The following SLIT3 variants were observed in gnomAD, a reference collection of about 807,000 sequenced individuals.
The protein encoded by SLIT3 is slit homolog 3 protein.
Under a neutral mutation model 184.0 loss-of-function variants are expected in SLIT3, and 68 were observed. The ratio of observed to expected loss-of-function variants is 0.37; its 90% CI spans 0.30 to 0.45. The LOEUF (loss-of-function observed/expected upper bound fraction) is 0.45. Among genes scored for constraint, SLIT3 ranks in the 20% least tolerant of loss-of-function variants. The probability of loss-of-function intolerance (pLI) is 1.00; values close to 1 mark genes in which losing one functional copy is unlikely to be tolerated. For missense variants in SLIT3, 1,707 were observed against 2,026.0 expected (o/e 0.84, Z 3.02); for synonymous variants, 831 against 828.6 (o/e 1.00, Z -0.05).
Position 168,700,507 on chromosome 5 carries a change from C to G in SLIT3, c.2942+75G>C, listed in dbSNP as rs969812636. On this transcript the variant is annotated intron_variant, in intron 27 of 35. Transcript: ENST00000519560. ...AAACTTCTTTCCTTTATAAATTACC[C>G]AGTCTTGGGTATGTCTTTATTAGCA... The G allele has an allele frequency of 1.7e-5, 17 of 1,025,366 alleles. No individual in the cohort carries two copies. In the Admixed American group the frequency reaches 2.0e-4, roughly 12 times the overall value. 63.5% of individuals were successfully genotyped at this position (1,025,366 alleles called of 1,614,324 possible).
At chr5:168,761,663 C>T (rs569579521) in intron 15 of SLIT3, among the ~76,000 whole-genome samples, 5 of 152,056 alleles carry the variant, frequency 3.3e-5, no homozygotes, top group Non-Finnish European at 7.4e-5. Context: ...AGGTGTCAGC[C>T]CCATGTCTGT....
chr5:168,748,621 T>C (rs1165604655), intron 19 of SLIT3, among the ~76,000 whole-genome samples, 187 bp from the exon 20 acceptor site: 1 of 152,112 alleles, frequency 6.6e-6, no homozygotes, highest in Admixed American at 6.5e-5. Context: ...TTTTACCTCA[T>C]TTGACATAAG....
chr5:168,718,994 A>G (rs1301826301), intron 23 of SLIT3, among the ~76,000 whole-genome samples: 1 of 152,208 alleles, frequency 6.6e-6, no homozygotes, highest in Non-Finnish European at 1.5e-5. Context: ...TAAAAAGCCA[A>G]TCTTTCTTCC....
intron 2 of SLIT3, among the ~76,000 whole-genome samples, chr5:169,245,107 A>T (rs769614184): frequency 5.3e-5 from 8 of 152,150 alleles, no homozygotes; most frequent in Admixed American, 2.6e-4. Context: ...CCACACATAG[A>T]TTCAGCATCT....
At chr5:168,761,921 A>ATTTTT (rs10654069) in intron 15 of SLIT3, among the ~76,000 whole-genome samples, 30 of 110,470 alleles carry the variant, frequency 2.7e-4, no homozygotes, top group East Asian at 5.4e-4. Flanking sequence ...AAAAAAAAAA[A>ATTTTT]TTTTTTTTTT....
chr5:168,817,351 A>T lies in SLIT3; in HGVS notation c.742T>A (p.Leu248Met), dbSNP rs1757366266. ...ACATCCGCCACGTTGAAGCCCCTCAAATGCACAGGAGCCATGCAGAGTGTG... is the reference window on the plus strand; with the variant it reads ...ACATCCGCCACGTTGAAGCCCCTCATATGCACAGGAGCCATGCAGAGTGTG... ...QFTLCMAPVH[L>M]RGFNVADVQK... is the part of the protein sequence containing the mutation. Residue 248 changes from leucine (L) to methionine (M), a missense_variant, in exon 8 of 36, where the codon TTG becomes ATG. Physicochemically the swap from Leu to Met is conservative, Grantham distance 15. Coordinates refer to ENST00000519560, the MANE Select transcript of SLIT3 (RefSeq NM_003062.4). 6.2e-7 allele frequency: 1 copy of T among 1,614,142 alleles called. No individual in the cohort carries two copies. Among genetic ancestry groups the T allele is most frequent in the Non-Finnish European group, 8.5e-7 (1 of 1,180,032 alleles).
intron 15 of SLIT3, among the ~76,000 whole-genome samples, chr5:168,761,701 T>C (rs572412052): frequency 1.3e-5 from 2 of 152,140 alleles, no homozygotes; most frequent in East Asian, 3.9e-4. Flanking sequence ...GCCTTTGTCC[T>C]CCACGAGGCT....
intron 4 of SLIT3, among the ~76,000 whole-genome samples, chr5:168,906,774 T>C (rs1317959876): frequency 6.6e-6 from 1 of 152,220 alleles, no homozygotes; most frequent in African/African-American, 2.4e-5. Flanking sequence ...TGTTTGAAAG[T>C]TGAAATTCAG....
chr5:168,864,661 A>G (rs546564853), intron 5 of SLIT3, among the ~76,000 whole-genome samples: 5 of 152,334 alleles, frequency 3.3e-5, no homozygotes, highest in Non-Finnish European at 7.3e-5. Context: ...AATTCTTACC[A>G]AGAACTCAAG....
chr5:168,956,387 G>A (rs1254580059), intron 4 of SLIT3, among the ~76,000 whole-genome samples: 5 of 152,146 alleles, frequency 3.3e-5, no homozygotes, highest in Admixed American at 1.3e-4. Flanking sequence ...ATTTATGTAG[G>A]CAATAGTAAG....
chr5:168,780,556 T>C (rs544312183), intron 12 of SLIT3, among the ~76,000 whole-genome samples: 5 of 152,350 alleles, frequency 3.3e-5, no homozygotes, highest in African/African-American at 1.2e-4. Context: ...CTCTTTGTTA[T>C]TTAAAAAAGT....
chr5:168,746,367 TGTGTGAGTGTGGTG>T (rs1245076372), intron 20 of SLIT3, among the ~76,000 whole-genome samples: 1 of 125,722 alleles, frequency 8.0e-6, no homozygotes, highest in Non-Finnish European at 1.7e-5. Context: ...TGGTGTGTGG[TGTGTGAGTGTGGTG>T]GTGTGGGTGT....
At chr5:168,879,623 A>C (rs1458336257) in intron 5 of SLIT3, among the ~76,000 whole-genome samples, 1 of 152,186 alleles carries the variant, frequency 6.6e-6, no homozygotes, top group African/African-American at 2.4e-5. Flanking sequence ...CCCTCTTATT[A>C]AAACCAAGGA....
intron 4 of SLIT3, among the ~76,000 whole-genome samples, chr5:168,962,424 C>T (rs1049115977): frequency 4.6e-5 from 7 of 152,206 alleles, no homozygotes; most frequent in East Asian, 3.9e-4. Flanking sequence ...TTCTGTTTCC[C>T]GCCTTTCTCT....
intron 4 of SLIT3, among the ~76,000 whole-genome samples, chr5:168,958,895 C>T (rs1345922052): frequency 6.6e-6 from 1 of 152,256 alleles, no homozygotes; most frequent in African/African-American, 2.4e-5. Flanking sequence ...AATGAACCTC[C>T]ACCATGAGTG....
intron 6 of SLIT3, among the ~76,000 whole-genome samples, chr5:168,839,876 C>T (rs955272723): frequency 7.9e-5 from 12 of 152,136 alleles, no homozygotes; most frequent in African/African-American, 1.9e-4. Context: ...CCCCTGTTAC[C>T]GCCAACTTGC....
intron 23 of SLIT3, chr5:168,720,201 C>G (rs62377328): frequency 0.18 from 27,773 of 152,328 alleles, 3,072 homozygotes; most frequent in East Asian, 0.43. Context: ...CAGGTGTGAG[C>G]CACCATGCTG....
At chr5:168,782,236 T>C (rs1756001599) in intron 12 of SLIT3, among the ~76,000 whole-genome samples, 3 of 152,218 alleles carry the variant, frequency 2.0e-5, no homozygotes, top group Admixed American at 6.5e-5. Context: ...CCGAAGACAG[T>C]CTGGTTTGGT....
intron 12 of SLIT3, 152 bp from the exon 13 acceptor site, chr5:168,774,530 G>A: frequency 1.2e-6 from 1 of 819,444 alleles, no homozygotes; most frequent in Non-Finnish European, 1.9e-6. Flanking sequence ...AGAGAGACCT[G>A]CCTTCCTGTG....
Sources: gnomAD v4.1 joint callset for allele counts (sites outside exome capture counted in the v4.1 genomes callset) on GRCh38, gnomAD v4.1.1 for gene constraint, MANE v1.5 for transcripts, NCBI Gene and HGNC (gene_info 2026-07-23, HGNC 2026-07-21) for gene names.